PCDHGB3: variants seen among roughly 807,000 people sequenced by gnomAD.
The protein encoded by PCDHGB3 is protocadherin gamma-B3.
A neutral mutation model predicts 59.2 loss-of-function variants in PCDHGB3; 40 were observed. The observed-to-expected ratio is 0.68, with a 90% confidence interval of 0.52 to 0.88. PCDHGB3 has a LOEUF of 0.88. PCDHGB3 is among the 40% of genes least tolerant of loss of function. The pLI is 0.00. For synonymous variants in PCDHGB3, 581 were observed against 503.6 expected (o/e 1.15, Z -2.06); for missense variants, 1,309 against 1,187.9 (o/e 1.10, Z -1.50).
At chr5:141,506,462 AAAAG>A (rs1396142744) in intron 3 of PCDHGB3, among the ~76,000 whole-genome samples, 1 of 151,856 alleles carries the variant, frequency 6.6e-6, no homozygotes, top group African/African-American at 2.4e-5. Flanking sequence ...AAAAAAAAAA[AAAAG>A]AGCACAGGCT....
At chr5:141,416,501 T>C (rs1164504285) in intron 1 of PCDHGB3, 6 of 152,148 alleles carry the variant, frequency 3.9e-5, no homozygotes, top group Non-Finnish European at 7.4e-5. Context: ...AAGAGATATA[T>C]GACAAAGCTA....
chr5:141,477,013 T>C lies in PCDHGB3; in HGVS notation c.2416-17794T>C. ...TGCGGCAACTATTCGCCTTAGACCT[T>C]GTAACCGGGATGCTGACAATCAAGG... On this transcript the variant is annotated intron_variant, in intron 1 of 3. Coordinates refer to ENST00000576222, the MANE Select transcript of PCDHGB3 (RefSeq NM_018924.5). The surrounding 1 kb of genome is among the most constrained non-coding windows in gnomAD (Gnocchi z 4.9). 6.2e-7 allele frequency: 1 copy of C among 1,614,204 alleles called. No homozygotes were observed. The highest frequency in any genetic ancestry group is 8.5e-7 in the Non-Finnish European group (1 of 1,180,028).
Position 141,476,165 on chromosome 5 carries a change from G to A in PCDHGB3, c.2416-18642G>A. ...CGGACTGGTAAGCACCGGGAGGGTA[G>A]TGGGAGTTTTGCTTCTGCTTGGTGC... On this transcript the variant is annotated intron_variant, in intron 1 of 3. Coordinates refer to ENST00000576222, the MANE Select transcript of PCDHGB3 (RefSeq NM_018924.5). This position sits in a 1 kb window ranked among gnomAD's most constrained non-coding sequence, Gnocchi z 7.6. 1 of 1,613,228 alleles carries A rather than the reference G, an allele frequency of 6.2e-7. No homozygotes were observed.
intron 1 of PCDHGB3, chr5:141,374,459 A>C: frequency 1.9e-6 from 3 of 1,613,448 alleles, no homozygotes; most frequent in Non-Finnish European, 1.7e-6. Flanking sequence ...AATAGTGGAC[A>C]TTAATGACAA....
chr5:141,510,553 A>C (rs1471878583), intron 3 of PCDHGB3, among the ~76,000 whole-genome samples: 1 of 152,162 alleles, frequency 6.6e-6, no homozygotes, highest in African/African-American at 2.4e-5. Context: ...TGTTTTGAGC[A>C]CTTACATCTA....
chr5:141,489,793 C>G lies in PCDHGB3; in HGVS notation c.2416-5014C>G. On this transcript the variant is annotated intron_variant, in intron 1 of 3. Transcript: ENST00000576222. This position sits in a 1 kb window ranked among gnomAD's most constrained non-coding sequence, Gnocchi z 4.5. ...CCACTTCTCTCTGAATGTGAAGACC[C>G]TAAAAGATGGGAAGCCATTCCCAGA... 1 of 1,614,160 alleles carries G rather than the reference C, an allele frequency of 6.2e-7. No individual in the cohort carries two copies. The highest frequency in any genetic ancestry group is 1.1e-5 in the South Asian group (1 of 91,078).
At chr5:141,503,836 A>G (rs1260399957) in intron 2 of PCDHGB3, among the ~76,000 whole-genome samples, 4 of 152,142 alleles carry the variant, frequency 2.6e-5, no homozygotes, top group Admixed American at 6.5e-5. Flanking sequence ...AAAAGCAGGG[A>G]CAGACCTTGG....
At chr5:141,427,397 T>C (rs944166415) in intron 1 of PCDHGB3, 2 of 460,626 alleles carry the variant, frequency 4.3e-6, no homozygotes, top group South Asian at 1.5e-5. Flanking sequence ...AAACACATGA[T>C]AAAGATTCGA....
intron 2 of PCDHGB3, among the ~76,000 whole-genome samples, chr5:141,498,994 AAGGAAGGAAGG>A (rs2099788184): frequency 2.0e-5 from 3 of 148,560 alleles, no homozygotes; most frequent in Non-Finnish European, 4.5e-5. Flanking sequence ...GGAAGGAAGG[AAGGAAGGAAGG>A]AAGGAAGGAA....
In PCDHGB3 at chr5:141,431,221, A is replaced by T; in HGVS notation, c.2415+58412A>T. 6.2e-7 allele frequency: 1 copy of T among 1,614,124 alleles called. No homozygotes were observed. The highest frequency in any genetic ancestry group is 8.5e-7 in the Non-Finnish European group (1 of 1,180,026). On this transcript the variant is annotated intron_variant, in intron 1 of 3. Transcript: ENST00000576222. The surrounding 1 kb of genome is among the most constrained non-coding windows in gnomAD (Gnocchi z 4.8). Reference sequence around the variant, plus strand: ...CAGCCACTGAGATGCGGTTCCCTCTACCCCACGCCTGGGATCCGGATATCG... The same window carrying T: ...CAGCCACTGAGATGCGGTTCCCTCTTCCCCACGCCTGGGATCCGGATATCG...
chr5:141,439,289 T>C (rs1454088176), intron 1 of PCDHGB3, among the ~76,000 whole-genome samples: 1 of 151,850 alleles, frequency 6.6e-6, no homozygotes, highest in African/African-American at 2.4e-5. Flanking sequence ...CTGTGTTCCA[T>C]GGAAAAAGTA....
In PCDHGB3 at chr5:141,432,635, G is replaced by T. The variant is rs754354737; in HGVS notation, c.2415+59826G>T. 8.7e-6 allele frequency: 14 copies of T among 1,613,004 alleles called. No individual in the cohort carries two copies. The South Asian group carries it at 1.4e-4, about 16-fold the overall frequency. On this transcript the variant is annotated intron_variant, in intron 1 of 3. Transcript: ENST00000576222. This position sits in a 1 kb window ranked among gnomAD's most constrained non-coding sequence, Gnocchi z 6.0. ...CTCGGTGGGTCTGCACACGGGCGAGGTGCGCACGGCGCGAGCCCTGCTGGA... is the reference window on the plus strand; with the variant it reads ...CTCGGTGGGTCTGCACACGGGCGAGTTGCGCACGGCGCGAGCCCTGCTGGA...
In PCDHGB3 at chr5:141,431,149, G is replaced by A. The variant is rs150692324; in HGVS notation, c.2415+58340G>A. Reference sequence around the variant, plus strand: ...AAGTAAGGGACATTAACGACAATGCGCCTTACTTTCGTGAAAGTGAATTAG... The same window carrying A: ...AAGTAAGGGACATTAACGACAATGCACCTTACTTTCGTGAAAGTGAATTAG... On this transcript the variant is annotated intron_variant, in intron 1 of 3. Coordinates refer to ENST00000576222, the MANE Select transcript of PCDHGB3 (RefSeq NM_018924.5). This position sits in a 1 kb window ranked among gnomAD's most constrained non-coding sequence, Gnocchi z 4.8. The A allele has an allele frequency of 3.7e-4, 605 of 1,614,210 alleles. No individual in the cohort carries two copies. Among genetic ancestry groups the A allele is most frequent in the Non-Finnish European group, 4.7e-4 (552 of 1,180,020 alleles).
intron 1 of PCDHGB3, among the ~76,000 whole-genome samples, chr5:141,448,287 C>G (rs1394399947): frequency 6.6e-6 from 1 of 152,130 alleles, no homozygotes; most frequent in Non-Finnish European, 1.5e-5. Flanking sequence ...GCAACTTGCT[C>G]TTTCCACTTA....
At chr5:141,443,790 T>A (rs1178101439) in intron 1 of PCDHGB3, among the ~76,000 whole-genome samples, 2 of 151,832 alleles carry the variant, frequency 1.3e-5, no homozygotes, top group Admixed American at 6.6e-5. Flanking sequence ...ACAAAAAAAA[T>A]GAAAAGGAAA....
Position 141,399,408 on chromosome 5 carries a change from C to G in PCDHGB3, c.2415+26599C>G, listed in dbSNP as rs373563586. On this transcript the variant is annotated intron_variant, in intron 1 of 3. Coordinates refer to ENST00000576222, the MANE Select transcript of PCDHGB3 (RefSeq NM_018924.5). ...CAGCCACAGACAGGGGCAAGCCGCC[C>G]CTCTCCTCCAGCATAAGCGTCATCC... 20 of 1,613,888 alleles carry G rather than the reference C, an allele frequency of 1.2e-5. No individual in the cohort carries two copies. In the East Asian group the frequency reaches 3.8e-4, roughly 31 times the overall value.
At chr5:141,398,604 T>C (rs2093677345) in intron 1 of PCDHGB3, 1 of 1,613,930 alleles carries the variant, frequency 6.2e-7, no homozygotes, top group South Asian at 1.1e-5. Flanking sequence ...TAGCAGAAGA[T>C]GCAGATATTG....
rs1226359801 is a variant in PCDHGB3, at chr5:141,388,320, G to A, written c.2415+15511G>A. On this transcript the variant is annotated intron_variant, in intron 1 of 3. Coordinates refer to ENST00000576222, the MANE Select transcript of PCDHGB3 (RefSeq NM_018924.5). ...CTTTGAGCTGCAAATAAGTGAGTCT[G>A]CACAGCCTGGCACACGATTTATATT... is the stretch of plus-strand genomic sequence containing the variant. 9.3e-6 allele frequency: 15 copies of A among 1,613,768 alleles called. 1 individual carries two copies. The Admixed American group carries it at 2.5e-4, about 27-fold the overall frequency.
rs70988800 is a variant in PCDHGB3, at chr5:141,379,889, C to CTTTTTTTTTTTTTTTTTTTTTTT, written c.2415+7088_2415+7110dup. Among the ~76,000 whole-genome samples the CTTTTTTTTTTTTTTTTTTTTTTT allele has an allele frequency of 1.4e-3, 69 of 50,828 alleles. 14 individuals are homozygous for CTTTTTTTTTTTTTTTTTTTTTTT. The highest frequency in any genetic ancestry group is 2.0e-3 in the Non-Finnish European group (53 of 25,880). 33.3% of individuals were successfully genotyped at this position (50,828 alleles called of 152,430 possible). Reference sequence around the variant, plus strand: ...CTTATTTTATGGTCTGTGAAAGCCTCTTTTTTTTTTTTTTTTTTTTTTTTT... The same window carrying CTTTTTTTTTTTTTTTTTTTTTTT: ...CTTATTTTATGGTCTGTGAAAGCCTCTTTTTTTTTTTTTTTTTTTTTTTTTTTTTTTTTTTTTTTTTTTTTTTT... On this transcript the variant is annotated intron_variant, in intron 1 of 3. Coordinates refer to ENST00000576222, the MANE Select transcript of PCDHGB3 (RefSeq NM_018924.5).
Sources: gnomAD v4.1 joint callset for allele counts (sites outside exome capture counted in the v4.1 genomes callset) on GRCh38, gnomAD v4.1.1 for gene constraint, Gnocchi (gnomAD v3.1) non-coding constraint, MANE v1.5 for transcripts, NCBI Gene and HGNC (gene_info 2026-07-23, HGNC 2026-07-21) for gene names.